The following CNST variants were observed in gnomAD, a reference collection of about 807,000 sequenced individuals.
CNST encodes the protein consortin.
CNST carries 39 observed loss-of-function variants against 72.4 expected under a neutral mutation model. That is an observed-to-expected ratio of 0.54 (90% CI 0.42 to 0.70). The LOEUF (loss-of-function observed/expected upper bound fraction) is 0.70, where lower values mean the gene tolerates loss of function less well. CNST is among the 30% of genes least tolerant of loss of function. The pLI, the probability that CNST is intolerant of heterozygous loss-of-function variation, is 0.00. For missense variants in CNST, 871 were observed against 868.5 expected, an observed-to-expected ratio of 1.00 and a Z score of -0.04; for synonymous variants, 332 against 320.1, an observed-to-expected ratio of 1.04 and a Z score of -0.40.
intron 9 of CNST, 50 bp downstream of exon 9, chr1:246,648,087 A>C (rs1015913304): frequency 6.5e-7 from 1 of 1,534,722 alleles, no homozygotes; most frequent in Non-Finnish European, 8.7e-7. Context: ...TTTAAAAAAC[A>C]TATATATGTA....
At chr1:246,658,097 G>A (rs986305846) in intron 9 of CNST, among the ~76,000 whole-genome samples, 2 of 151,998 alleles carry the variant, frequency 1.3e-5, no homozygotes, top group Admixed American at 6.6e-5. Flanking sequence ...CTTCCTCCCC[G>A]CTTTTAAAAT....
Position 246,621,481 on chromosome 1 carries a change from A to C in CNST, c.432A>C (p.Ala144=). The part of the protein sequence containing the change: ...APLMQEKVLS[A]VTYAVDDEEA... ...TAATGCAAGAAAAAGTACTAAGCGC[A>C]GTCACATATGCTGTTGATGATGAAG... Residue 144 remains alanine (A), a synonymous_variant, in exon 3 of 11, where the codon GCA becomes GCC. Coordinates refer to ENST00000366513, the MANE Select transcript of CNST (RefSeq NM_152609.3). 1 of 1,614,224 alleles carries C rather than the reference A, an allele frequency of 6.2e-7. No homozygotes were observed. The highest frequency in any genetic ancestry group is 8.5e-7 in the Non-Finnish European group (1 of 1,180,038).
chr1:246,625,264 C>G (rs907691254), intron 3 of CNST, among the ~76,000 whole-genome samples: 1 of 152,098 alleles, frequency 6.6e-6, no homozygotes, highest in African/African-American at 2.4e-5. Context: ...TGTCAGTATT[C>G]TTTAGTCTCC....
intron 2 of CNST, among the ~76,000 whole-genome samples, chr1:246,618,332 G>C (rs1280014771): frequency 6.6e-6 from 1 of 152,196 alleles, no homozygotes; most frequent in Non-Finnish European, 1.5e-5. Flanking sequence ...CAGAACTGAA[G>C]TCTCTTGCTC....
In CNST at chr1:246,665,948, C is replaced by A; in HGVS notation, c.*43C>A. The A allele has an allele frequency of 1.4e-6, 2 of 1,395,094 alleles. No individual in the cohort carries two copies. The highest frequency in any genetic ancestry group is 2.0e-6 in the Non-Finnish European group (2 of 991,172). 86.4% of individuals were successfully genotyped at this position (1,395,094 alleles called of 1,614,324 possible). A position where few individuals can be genotyped will look rare whatever the true frequency, so the allele number is the denominator to read the frequency against. On this transcript the variant is annotated 3_prime_UTR_variant, in exon 11 of 11. Coordinates refer to ENST00000366513, the MANE Select transcript of CNST (RefSeq NM_152609.3). ...ACATGCTGGCAGTGAGAGTGAAAGG[C>A]GGGAGACTTTCTAAACAGTTTTTCT...
chr1:246,597,943 AGTT>A (rs1553373118), intron 2 of CNST, among the ~76,000 whole-genome samples: 1 of 150,966 alleles, frequency 6.6e-6, no homozygotes, highest in Non-Finnish European at 1.5e-5. Flanking sequence ...TCTAAATGGT[AGTT>A]GTTGTGTTTA....
At chr1:246,605,863 G>A (rs1342661827) in intron 2 of CNST, 61 of 149,982 alleles carry the variant, frequency 4.1e-4, no homozygotes, top group East Asian at 1.0e-3. Context: ...TCTTCCGGCC[G>A]GCCCTCTTCC....
At chr1:246,648,582 G>A (rs1291094794) in intron 9 of CNST, among the ~76,000 whole-genome samples, 4 of 151,812 alleles carry the variant, frequency 2.6e-5, no homozygotes, top group Non-Finnish European at 4.4e-5. Context: ...TTCATTGTTT[G>A]ATAATACAAA....
At position 246,634,808 on chromosome 1, in the gene CNST, G is replaced by T. The variant is rs1665045862; in HGVS notation, c.818+221G>T. Among the ~76,000 whole-genome samples the T allele has an allele frequency of 1.3e-5, 2 of 152,222 alleles. 1 individual carries two copies. Among genetic ancestry groups the T allele is most frequent in the Admixed American group, 1.3e-4 (2 of 15,282 alleles). On this transcript the variant is annotated intron_variant, in intron 6 of 10. Transcript: ENST00000366513. ...ATCACGCTGTTTTAATGAGCACCTGGGTGCAGACGGGCTGAGGCCTAAAAT... is the reference window on the plus strand; with the variant it reads ...ATCACGCTGTTTTAATGAGCACCTGTGTGCAGACGGGCTGAGGCCTAAAAT...
chr1:246,631,246 C>T (rs2103095775), intron 3 of CNST, among the ~76,000 whole-genome samples: 1 of 152,256 alleles, frequency 6.6e-6, no homozygotes, highest in South Asian at 2.1e-4. Flanking sequence ...GCTCCTGAGT[C>T]TTGGATCTCT....
chr1:246,642,520 T>C (rs185325960), intron 8 of CNST, among the ~76,000 whole-genome samples: 2 of 152,174 alleles, frequency 1.3e-5, no homozygotes, highest in Non-Finnish European at 2.9e-5. Flanking sequence ...TACTAACATA[T>C]GATATACTTT....
At chr1:246,631,093 T>G (rs1664749036) in intron 3 of CNST, among the ~76,000 whole-genome samples, 1 of 152,224 alleles carries the variant, frequency 6.6e-6, no homozygotes, top group Non-Finnish European at 1.5e-5. Context: ...TCAGTGAATA[T>G]TTTTAGTTTT....
chr1:246,591,888 C>T lies in CNST; in HGVS notation c.326C>T (p.Pro109Leu), dbSNP rs368788986. ...QAFLGKDKKI[P>L]GKRSPRSKKG... The stretch of plus-strand genomic sequence containing the variant: ...TTCTTGGGAAAGGACAAAAAAATTC[C>T]TGGAAAAAGAAGTCCAAGAAGCAAA... The change falls in exon 2 of 11, where the codon CCT becomes CTT. Residue 109 changes from proline to leucine, a missense_variant. Transcript: ENST00000366513. 68 of 1,613,852 alleles carry T rather than the reference C, an allele frequency of 4.2e-5. No homozygotes were observed. The African/African-American group carries it at 4.8e-4, about 11-fold the overall frequency.
At position 246,641,988 on chromosome 1, in the gene CNST, AC is replaced by A. The variant is rs781497701; in HGVS notation, c.889del (p.Leu297Ter). 6.2e-7 allele frequency: 1 copy of A among 1,613,128 alleles called. No individual in the cohort carries two copies. The highest frequency in any genetic ancestry group is 1.7e-5 in the Admixed American group (1 of 59,860). ...AGGAAAGGAAATGCTCCACGCAGTTACTAGTGTCTGAAGATCCAAAGGAAGG... is the reference window on the plus strand; with the variant it reads ...AGGAAAGGAAATGCTCCACGCAGTTATAGTGTCTGAAGATCCAAAGGAAGG... ...SQERKCSTQL[L>X]VSEDPKEGGA... On this transcript the variant is annotated frameshift_variant, in exon 8 of 11. Transcript: ENST00000366513. LOFTEE classifies it high-confidence loss of function.
At chr1:246,605,227 G>T (rs562966583) in intron 2 of CNST, among the ~76,000 whole-genome samples, 32 of 152,292 alleles carry the variant, frequency 2.1e-4, no homozygotes, top group African/African-American at 7.7e-4. Context: ...AATTTAATCG[G>T]ATTTGAAAAA....
At chr1:246,586,111 A>ATATATGTGTGTGTGTGTGTGTG (rs777928408) in intron 1 of CNST, among the ~76,000 whole-genome samples, 2 of 102,700 alleles carry the variant, frequency 1.9e-5, no homozygotes, top group African/African-American at 8.0e-5. Context: ...ATATATATAT[A>ATATATGTGTGTGTGTGTGTGTG]TGTGTGTGTG....
intron 1 of CNST, among the ~76,000 whole-genome samples, chr1:246,567,764 C>A (rs1475282506): frequency 6.6e-6 from 1 of 152,092 alleles, no homozygotes; most frequent in African/African-American, 2.4e-5. Context: ...TGCTTAAATT[C>A]TTTTTTCGTA....
chr1:246,596,016 G>A (rs1661853912), intron 2 of CNST, among the ~76,000 whole-genome samples: 1 of 152,114 alleles, frequency 6.6e-6, no homozygotes, highest in South Asian at 2.1e-4. Flanking sequence ...TAGCCTCAGG[G>A]AAGTCCAGTT....
chr1:246,607,354 CCT>C (rs1156576856), intron 2 of CNST: 1 of 152,038 alleles, frequency 6.6e-6, no homozygotes, highest in Non-Finnish European at 1.5e-5. Context: ...AGCGCGATGC[CCT>C]CTCCTAGATC....
Sources: gnomAD v4.1 joint callset for allele counts (sites outside exome capture counted in the v4.1 genomes callset) on GRCh38, gnomAD v4.1.1 for gene constraint, MANE v1.5 for transcripts, NCBI Gene and HGNC (gene_info 2026-07-23, HGNC 2026-07-21) for gene names.